Variants in PDE5A observed in about 807,000 individuals in gnomAD.
PDE5A encodes cGMP-specific 3',5'-cyclic phosphodiesterase.
In PDE5A, 67 loss-of-function variants were observed where a neutral mutation model predicts 110.2. That is an observed-to-expected ratio of 0.61 (90% confidence interval 0.50 to 0.75). The LOEUF is 0.75. Ranked by LOEUF, PDE5A falls within the 30% of genes least tolerant of loss-of-function variation. The pLI is 0.00. For missense variants in PDE5A, 862 were observed against 1,045.1 expected (o/e 0.82, Z 2.42); for synonymous variants, 328 against 351.2 (o/e 0.93, Z 0.74).
intron 3 of PDE5A, among the ~76,000 whole-genome samples, chr4:119,592,617 G>T (rs1729019736): frequency 6.6e-6 from 1 of 152,056 alleles, no homozygotes; most frequent in Non-Finnish European, 1.5e-5. Context: ...ATTATTATCA[G>T]TTGAGCATCC....
In PDE5A at chr4:119,525,641, C is replaced by A. The variant is rs199919242; in HGVS notation, c.1687G>T (p.Asp563Tyr). 6 of 1,613,090 alleles carry A rather than the reference C, an allele frequency of 3.7e-6. No homozygotes were observed. The highest frequency in any genetic ancestry group is 5.1e-6 in the Non-Finnish European group (6 of 1,179,452). The change falls in exon 12 of 21, where the codon GAC becomes TAC. Residue 563 changes from aspartate to tyrosine, a missense_variant. By Grantham distance (160) the Asp-to-Tyr change is radical (BLOSUM62 -3). Transcript: ENST00000354960. This position sits in a 1 kb window ranked among gnomAD's most constrained non-coding sequence, Gnocchi z 4.3. ...GTTTCCAGATCAGACAGCTCAAAGT[C>A]ACTGAAGCTAAAGTCAGTAATTTTA... ...TLKITDFSFS[D>Y]FELSDLETAL...
chr4:119,540,421 C>T (rs1185311622), intron 10 of PDE5A, among the ~76,000 whole-genome samples: 1 of 152,158 alleles, frequency 6.6e-6, no homozygotes, highest in Non-Finnish European at 1.5e-5. Context: ...AAGAAACTCA[C>T]AGCTGCTCTC....
rs1730392214 is a variant in PDE5A, at chr4:119,627,345, C to T, written c.152+1175G>A. 9.4e-7 allele frequency: 1 copy of T among 1,059,172 alleles called. No homozygotes were observed. 65.6% of individuals were successfully genotyped at this position (1,059,172 alleles called of 1,614,324 possible). A position where few individuals can be genotyped will look rare whatever the true frequency, so the allele number is the denominator to read the frequency against. On this transcript the variant is annotated intron_variant, in intron 1 of 20. Transcript: ENST00000354960. The surrounding 1 kb of genome is among the most constrained non-coding windows in gnomAD (Gnocchi z 4.6). ...CCCGTCGCCTCCCGCTCGCCCCGCG[C>T]TGCGCCGCCCCCTGGCGGGGAGCGA...
At chr4:119,585,825 T>A (rs899223738) in intron 3 of PDE5A, among the ~76,000 whole-genome samples, 2 of 152,194 alleles carry the variant, frequency 1.3e-5, no homozygotes, top group African/African-American at 4.8e-5. Context: ...AGAGCACTAC[T>A]GCTTCCTCCT....
intron 6 of PDE5A, among the ~76,000 whole-genome samples, chr4:119,560,921 A>G (rs1382778579): frequency 6.6e-6 from 1 of 152,214 alleles, no homozygotes; most frequent in South Asian, 2.1e-4. Flanking sequence ...GGAATTTGAG[A>G]CCAGACTGGC....
intron 4 of PDE5A, among the ~76,000 whole-genome samples, chr4:119,566,806 C>T (rs1280823677): frequency 6.6e-6 from 1 of 152,184 alleles, no homozygotes; most frequent in African/African-American, 2.4e-5. Context: ...AAGTCACCCT[C>T]TGTGTGGCCC....
chr4:119,594,140 A>T (rs74624149), intron 3 of PDE5A, among the ~76,000 whole-genome samples: 60 of 150,562 alleles, frequency 4.0e-4, no homozygotes, highest in African/African-American at 1.4e-3. Flanking sequence ...GTGTTTTTTT[A>T]ATTTTTTATT....
intron 3 of PDE5A, among the ~76,000 whole-genome samples, chr4:119,584,543 A>T (rs571388090): frequency 5.7e-4 from 87 of 152,352 alleles, no homozygotes; most frequent in African/African-American, 1.9e-3. Flanking sequence ...CTGCTTATGA[A>T]CAAATATGGA....
chr4:119,563,067 C>CT, intron 5 of PDE5A, 97 bp from the exon 6 acceptor site: 12 of 987,228 alleles, frequency 1.2e-5, no homozygotes, highest in Non-Finnish European at 1.4e-5. Context: ...TATAACCTAG[C>CT]AGGTTATGAT....
intron 11 of PDE5A, among the ~76,000 whole-genome samples, chr4:119,536,002 C>T (rs907974574): frequency 6.6e-6 from 1 of 152,078 alleles, no homozygotes; most frequent in Non-Finnish European, 1.5e-5. Context: ...TGACAGACAA[C>T]TAGAACTGAA....
Position 119,627,130 on chromosome 4 carries a change from G to A in PDE5A, c.152+1390C>T, listed in dbSNP as rs1730376839. Reference sequence around the variant, plus strand: ...CCGGAAAAAGTGGGAAGGGACGTAGGGGGATGCTGAAGGAAGTACCTTGTT... The same window carrying A: ...CCGGAAAAAGTGGGAAGGGACGTAGAGGGATGCTGAAGGAAGTACCTTGTT... On this transcript the variant is annotated intron_variant, in intron 1 of 20. Transcript: ENST00000354960. This position sits in a 1 kb window ranked among gnomAD's most constrained non-coding sequence, Gnocchi z 4.6. The A allele has an allele frequency of 6.2e-7, 1 of 1,612,218 alleles. No homozygotes were observed. The highest frequency in any genetic ancestry group is 1.3e-5 in the African/African-American group (1 of 74,852).
chr4:119,500,463 A>G (rs900379141), intron 20 of PDE5A, among the ~76,000 whole-genome samples: 2 of 152,092 alleles, frequency 1.3e-5, no homozygotes, highest in Non-Finnish European at 2.9e-5. Flanking sequence ...TTACAAGTTC[A>G]ATTACTAAAT....
rs147573787 is a variant in PDE5A, at chr4:119,557,905, C to A, written c.1199+2391G>T. ...CACTTATATTTTCTAATATGATAAT[C>A]AATAACAAGTATAAACTAATATGTA... On this transcript the variant is annotated intron_variant, in intron 7 of 20. Coordinates refer to ENST00000354960, the MANE Select transcript of PDE5A (RefSeq NM_001083.4). Among the ~76,000 whole-genome samples, 1,064 of 152,232 alleles carry A rather than the reference C, an allele frequency of 7.0e-3. 14 individuals carry two copies. Among genetic ancestry groups the A allele is most frequent in the African/African-American group, 0.024 (997 of 41,538 alleles).
intron 14 of PDE5A, among the ~76,000 whole-genome samples, chr4:119,511,441 GA>G (rs34002300): frequency 6.6e-6 from 1 of 151,876 alleles, no homozygotes; most frequent in Non-Finnish European, 1.5e-5. Flanking sequence ...TCCAAACATG[GA>G]AAAAAACCCT....
chr4:119,603,058 G>A (rs996721888), intron 2 of PDE5A, among the ~76,000 whole-genome samples: 22 of 152,168 alleles, frequency 1.4e-4, no homozygotes, highest in African/African-American at 4.6e-4. Context: ...ATGGAATGGG[G>A]TTCAGGGCAA....
At chr4:119,507,117 A>G (rs1024920258) in intron 16 of PDE5A, among the ~76,000 whole-genome samples, 4 of 151,978 alleles carry the variant, frequency 2.6e-5, no homozygotes, top group Non-Finnish European at 4.4e-5. Flanking sequence ...CTTATTTTAG[A>G]ATCAACAACT....
In PDE5A at chr4:119,496,604, AT is replaced by A. The variant is rs1028174848; in HGVS notation, c.*1996del. 6.6e-6 allele frequency: 1 copy of A among 152,626 alleles called. No homozygotes were observed. The highest frequency in any genetic ancestry group is 2.4e-5 in the African/African-American group (1 of 41,462). 9.5% of individuals were successfully genotyped at this position (152,626 alleles called of 1,614,324 possible). A position where few individuals can be genotyped will look rare whatever the true frequency, so the allele number is the denominator to read the frequency against. ...AGGGGACCAAACAAACTACTAAAGC[AT>A]AAGTACATATTTTAGCATAACTGCT... On this transcript the variant is annotated 3_prime_UTR_variant, in exon 21 of 21. Coordinates refer to ENST00000354960, the MANE Select transcript of PDE5A (RefSeq NM_001083.4).
At chr4:119,625,136 T>C (rs563716590) in intron 1 of PDE5A, among the ~76,000 whole-genome samples, 1 of 152,126 alleles carries the variant, frequency 6.6e-6, no homozygotes, top group East Asian at 1.9e-4. Context: ...TAGCTGGGAT[T>C]ACAGGCGCGC....
chr4:119,602,047 C>T (rs946373395), intron 2 of PDE5A, among the ~76,000 whole-genome samples: 3 of 152,086 alleles, frequency 2.0e-5, no homozygotes, highest in African/African-American at 7.2e-5. Context: ...GGGAAAATAA[C>T]TCTAAAGCTT....
Sources: allele counts gnomAD v4.1 joint callset (sites outside exome capture counted in the v4.1 genomes callset), GRCh38; gene constraint gnomAD v4.1.1; non-coding constraint Gnocchi (gnomAD v3.1); transcripts MANE v1.5; gene names NCBI Gene and HGNC (gene_info 2026-07-23, HGNC 2026-07-21).